WDR31: variants seen among roughly 807,000 people sequenced by gnomAD.
The protein encoded by WDR31 is WD repeat domain 31, also known as WD repeat-containing protein 31.
Under a neutral mutation model 47.3 loss-of-function variants are expected in WDR31, and 30 were observed. The observed-to-expected ratio is 0.63, with a 90% CI of 0.47 to 0.86. The LOEUF is 0.86. Ranked by LOEUF, WDR31 falls within the 40% of genes least tolerant of loss-of-function variation. The pLI, the probability that WDR31 is intolerant of heterozygous loss-of-function variation, is 0.00. For synonymous variants in WDR31, 137 were observed against 159.4 expected (o/e 0.86, Z 1.06); for missense variants, 406 against 442.9 (o/e 0.92, Z 0.75).
chr9:113,322,374 C>T, intron 7 of WDR31, among the ~76,000 whole-genome samples: 1 of 152,084 alleles, frequency 6.6e-6, no homozygotes, highest in South Asian at 2.1e-4. Flanking sequence ...TAGAAAACAA[C>T]TGGTCCTTCA....
chr9:113,322,784 T>A (rs1235292798), intron 7 of WDR31, 27 bp downstream of exon 7: 2 of 1,611,418 alleles, frequency 1.2e-6, no homozygotes, highest in South Asian at 2.2e-5. Flanking sequence ...TCTGCTGCCC[T>A]GTTCTGTACC....
intron 4 of WDR31, among the ~76,000 whole-genome samples, chr9:113,329,300 TC>T (rs1833542291): frequency 6.6e-6 from 1 of 151,958 alleles, no homozygotes; most frequent in Non-Finnish European, 1.5e-5. Context: ...AGATTTGTTT[TC>T]CCTATAGTAC....
chr9:113,334,014 T>C (rs1379785556), intron 2 of WDR31, among the ~76,000 whole-genome samples: 1 of 151,858 alleles, frequency 6.6e-6, no homozygotes, highest in Non-Finnish European at 1.5e-5. Context: ...CTCCTTCTCC[T>C]TTCTTTTTTT....
At chr9:113,333,858 A>G (rs1833655742) in intron 2 of WDR31, among the ~76,000 whole-genome samples, 1 of 152,124 alleles carries the variant, frequency 6.6e-6, no homozygotes, top group African/African-American at 2.4e-5. Flanking sequence ...AGAGCCTTTC[A>G]GGGAGTTTGG....
intron 7 of WDR31, 100 bp from the exon 8 acceptor site, chr9:113,321,678 A>G: frequency 8.6e-7 from 1 of 1,163,914 alleles, no homozygotes; most frequent in Non-Finnish European, 1.2e-6. Context: ...CCTCTTCTCA[A>G]GGATTCTGAA....
chr9:113,320,556 T>C (rs1171731604), intron 8 of WDR31, 58 bp from the exon 9 acceptor site: 5 of 1,574,486 alleles, frequency 3.2e-6, no homozygotes, highest in Non-Finnish European at 4.3e-6. Context: ...AATACACCCG[T>C]ATTGTCCCAC....
chr9:113,321,084 C>A (rs745357145), intron 8 of WDR31, among the ~76,000 whole-genome samples: 14 of 152,214 alleles, frequency 9.2e-5, no homozygotes, highest in Non-Finnish European at 1.8e-4. Flanking sequence ...TTTACTGACT[C>A]CCCTGATGCT....
At chr9:113,326,795 T>G (rs367944471) in intron 5 of WDR31, among the ~76,000 whole-genome samples, 173 of 152,202 alleles carry the variant, frequency 1.1e-3, no homozygotes, top group African/African-American at 3.9e-3. Context: ...TTTAATAATA[T>G]TTTTTCCTCA....
intron 9 of WDR31, 128 bp downstream of exon 9, chr9:113,320,229 A>G: frequency 8.2e-7 from 1 of 1,224,562 alleles, no homozygotes; most frequent in Non-Finnish European, 1.1e-6. Context: ...GATCACTCAC[A>G]GTATGCTTTT....
At chr9:113,335,478 T>G (rs567749060) in intron 2 of WDR31, among the ~76,000 whole-genome samples, 46 of 152,318 alleles carry the variant, frequency 3.0e-4, no homozygotes, top group African/African-American at 1.1e-3. Flanking sequence ...ATAAGTTTCT[T>G]ATGGGCATGA....
intron 9 of WDR31, 61 bp downstream of exon 9, chr9:113,320,296 G>T: frequency 6.3e-7 from 1 of 1,593,004 alleles, no homozygotes; most frequent in Non-Finnish European, 8.6e-7. Flanking sequence ...ACAGGCATGA[G>T]GCCAGAGTAA....
At chr9:113,322,510 C>G (rs748960014) in intron 7 of WDR31, among the ~76,000 whole-genome samples, 43 of 152,170 alleles carry the variant, frequency 2.8e-4, no homozygotes, top group Non-Finnish European at 5.7e-4. Flanking sequence ...TTCTTGGTCA[C>G]TAACCCTGTT....
chr9:113,325,261 T>C (rs904509125), intron 5 of WDR31, among the ~76,000 whole-genome samples: 1 of 152,154 alleles, frequency 6.6e-6, no homozygotes, highest in Non-Finnish European at 1.5e-5. Context: ...AGCCTAGATA[T>C]GTCTCTTTTA....
At position 113,314,586 on chromosome 9, in the gene WDR31, C is replaced by T. The variant is rs1833148995; in HGVS notation, c.*2163G>A. Reference sequence around the variant, plus strand: ...GAGGACAATAAATAATTATGGCTACCATTTGTCACCACCTTTCCTGGCATT... The same window carrying T: ...GAGGACAATAAATAATTATGGCTACTATTTGTCACCACCTTTCCTGGCATT... On this transcript the variant is annotated 3_prime_UTR_variant, in exon 11 of 11. Transcript: ENST00000374193. The T allele has an allele frequency of 6.6e-6, 1 of 151,948 alleles. No individual in the cohort carries two copies. Among genetic ancestry groups the T allele is most frequent in the Non-Finnish European group, 1.5e-5 (1 of 68,016 alleles). The allele number at this position is 151,948 out of a possible 1,614,324, so 9.4% of individuals were successfully genotyped here. A position where few individuals can be genotyped will look rare whatever the true frequency, so the allele number is the denominator to read the frequency against.
At chr9:113,324,826 ATATGTG>A (rs1158899660) in intron 5 of WDR31, among the ~76,000 whole-genome samples, 7 of 109,372 alleles carry the variant, frequency 6.4e-5, no homozygotes, top group African/African-American at 2.8e-4. Flanking sequence ...CTATATATAT[ATATGTG>A]TGTGTGTGTG....
chr9:113,316,144 G>A lies in WDR31; in HGVS notation c.*605C>T, dbSNP rs1378937712. On this transcript the variant is annotated 3_prime_UTR_variant, in exon 11 of 11. Transcript: ENST00000374193. ...AGCTCAGCAGCACTGGGCTAGAAGG[G>A]TACCGCCCTCCCACTCTGCTGCCAC... The A allele has an allele frequency of 6.6e-6, 1 of 152,354 alleles. No individual in the cohort carries two copies. The highest frequency in any genetic ancestry group is 1.9e-4 in the East Asian group (1 of 5,198). 9.4% of individuals were successfully genotyped at this position (152,354 alleles called of 1,614,324 possible).
chr9:113,330,882 T>G (rs747991803), intron 4 of WDR31, 102 bp downstream of exon 4: 5 of 1,322,114 alleles, frequency 3.8e-6, no homozygotes, highest in Non-Finnish European at 3.0e-6. Context: ...ATTTTTACAC[T>G]TGTCAACCCT....
At chr9:113,320,309 G>T in intron 9 of WDR31, 48 bp downstream of exon 9, 1 of 1,604,390 alleles carries the variant, frequency 6.2e-7, no homozygotes, top group Non-Finnish European at 8.5e-7. Flanking sequence ...CAGAGTAAGT[G>T]ATCTGTTCAT....
chr9:113,333,670 C>A (rs528705580), intron 2 of WDR31, among the ~76,000 whole-genome samples: 1 of 151,578 alleles, frequency 6.6e-6, no homozygotes, highest in African/African-American at 2.4e-5. Flanking sequence ...CGTGAGCCAC[C>A]GCGCCCGGCC....
Sources: gnomAD v4.1 joint callset for allele counts (sites outside exome capture counted in the v4.1 genomes callset) on GRCh38, gnomAD v4.1.1 for gene constraint, MANE v1.5 for transcripts, NCBI Gene and HGNC (gene_info 2026-07-23, HGNC 2026-07-21) for gene names.